The following SLC28A1 variants were observed in gnomAD, a reference collection of about 807,000 sequenced individuals.
SLC28A1 encodes the protein sodium/nucleoside cotransporter 1.
A neutral mutation model predicts 74.8 loss-of-function variants in SLC28A1; 64 were observed. The ratio of observed to expected loss-of-function variants is 0.86; its 90% CI spans 0.70 to 1.05. SLC28A1 has a LOEUF of 1.05. Among genes scored for constraint, SLC28A1 ranks in the 50% least tolerant of loss-of-function variants. The pLI is 0.00. For synonymous variants in SLC28A1, 359 were observed against 335.0 expected, an observed-to-expected ratio of 1.07 and a Z score of -0.78; for missense variants, 828 against 822.8, an observed-to-expected ratio of 1.01 and a Z score of -0.08.
At position 84,944,844 on chromosome 15, in the gene SLC28A1, G is replaced by A; in HGVS notation, c.1851G>A (p.Gln617=). 6.2e-7 allele frequency: 1 copy of A among 1,613,606 alleles called. No homozygotes were observed. Among genetic ancestry groups the A allele is most frequent in the Non-Finnish European group, 8.5e-7 (1 of 1,179,566 alleles). The change falls in exon 18 of 19, where the codon CAG becomes CAA. Residue 617 remains glutamine, a synonymous_variant. Coordinates refer to ENST00000394573, the MANE Select transcript of SLC28A1 (RefSeq NM_004213.5). The part of the protein sequence containing the change: ...TLSSSSFEIY[Q]CCREAFQSVN... The stretch of plus-strand genomic sequence containing the variant: ...GCAGCAGTAGCTTTGAGATTTACCA[G>A]TGCTGCCGTGAGGCCTTCCAGAGGT...
At chr15:84,944,936 G>C in intron 18 of SLC28A1, 69 bp downstream of exon 18, 2 of 1,217,598 alleles carry the variant, frequency 1.6e-6, no homozygotes, top group Non-Finnish European at 2.4e-6. Flanking sequence ...GCGCTGGGGG[G>C]GATGCCTTTG....
chr15:84,906,576 TCC>T (rs1196272967), intron 8 of SLC28A1, among the ~76,000 whole-genome samples: 22 of 20,788 alleles, frequency 1.1e-3, no homozygotes, highest in African/African-American at 2.4e-3. Context: ...CTTTCTTTCT[TCC>T]TTCCTTCCTT....
chr15:84,940,229 G>T (rs1275241421), intron 15 of SLC28A1, among the ~76,000 whole-genome samples: 1 of 152,148 alleles, frequency 6.6e-6, no homozygotes, highest in African/African-American at 2.4e-5. Context: ...ACTAATGTGT[G>T]CTGTGTGCCA....
chr15:84,962,352 G>C, the SLC28A1 span, among the ~76,000 whole-genome samples: 1 of 152,034 alleles, frequency 6.6e-6, no homozygotes, highest in Non-Finnish European at 1.5e-5. Context: ...AGGATTATAG[G>C]TGTGAGCCAC....
intron 1 of SLC28A1, chr15:84,886,225 G>GCTACA: frequency 1.0e-6 from 1 of 985,374 alleles, no homozygotes; most frequent in South Asian, 4.7e-5. Context: ...ATTTCTCACA[G>GCTACA]CTACACTGCT....
intron 1 of SLC28A1, 44 bp from the exon 2 acceptor site, chr15:84,886,628 C>T: frequency 1.0e-6 from 1 of 985,502 alleles, no homozygotes; most frequent in Non-Finnish European, 1.2e-6. Flanking sequence ...CTGGGCAGAA[C>T]TGGGTGGCAG....
At chr15:84,974,058 G>A in the SLC28A1 span, among the ~76,000 whole-genome samples, 3 of 152,276 alleles carry the variant, frequency 2.0e-5, no homozygotes, top group African/African-American at 7.2e-5. Context: ...GCCAGCAGAG[G>A]GGACTTGAAT....
At chr15:84,924,229 C>A in intron 12 of SLC28A1, 119 bp downstream of exon 12, 1 of 1,253,010 alleles carries the variant, frequency 8.0e-7, no homozygotes, top group Non-Finnish European at 1.2e-6. Context: ...GCCTGCTGTG[C>A]TGGCAAGAGG....
chr15:84,956,086 C>T, the SLC28A1 span, among the ~76,000 whole-genome samples: 2 of 152,206 alleles, frequency 1.3e-5, no homozygotes, highest in Non-Finnish European at 2.9e-5. Flanking sequence ...GACTTCTCCC[C>T]TTCAAACTCT....
the SLC28A1 span, among the ~76,000 whole-genome samples, chr15:84,964,535 T>C: frequency 6.6e-6 from 1 of 152,248 alleles, no homozygotes; most frequent in Admixed American, 6.5e-5. Flanking sequence ...ATGGTTTACA[T>C]GATGTGAGAT....
the SLC28A1 span, among the ~76,000 whole-genome samples, chr15:84,965,234 C>G: frequency 6.6e-6 from 1 of 152,164 alleles, no homozygotes; most frequent in East Asian, 1.9e-4. Context: ...CTCCTTCCTC[C>G]CACCATGTAC....
intron 2 of SLC28A1, 98 bp from the exon 3 acceptor site, chr15:84,887,647 C>T: frequency 6.4e-7 from 1 of 1,554,432 alleles, no homozygotes; most frequent in Non-Finnish European, 8.7e-7. Context: ...CAGGCATCTG[C>T]TCCCCCCACT....
chr15:84,915,481 C>T (rs907784697), intron 9 of SLC28A1, among the ~76,000 whole-genome samples: 1 of 152,222 alleles, frequency 6.6e-6, no homozygotes, highest in Non-Finnish European at 1.5e-5. Context: ...GGGCCCTCAC[C>T]AGTCTCCGGC....
intron 7 of SLC28A1, among the ~76,000 whole-genome samples, chr15:84,904,449 AG>A (rs1275445067): frequency 6.6e-6 from 1 of 152,120 alleles, no homozygotes; most frequent in African/African-American, 2.4e-5. Context: ...CCAGACTCAG[AG>A]GCCACCAGGA....
chr15:84,895,393 G>A (rs777386142), intron 6 of SLC28A1: 6 of 1,613,936 alleles, frequency 3.7e-6, no homozygotes, highest in Non-Finnish European at 5.1e-6. Flanking sequence ...CCAGGCCATG[G>A]AGCAAGGAGG....
At chr15:84,893,140 C>T (rs1045463428) in intron 5 of SLC28A1, among the ~76,000 whole-genome samples, 1 of 152,128 alleles carries the variant, frequency 6.6e-6, no homozygotes, top group Non-Finnish European at 1.5e-5. Context: ...TTCTTGGCCT[C>T]CTAGCCCCAT....
At chr15:84,917,505 C>T (rs56284711) in intron 9 of SLC28A1, among the ~76,000 whole-genome samples, 30,185 of 151,488 alleles carry the variant, frequency 0.2, 3,234 homozygotes, top group South Asian at 0.37. Context: ...AACTCCTGGG[C>T]TCAAGCAATC....
chr15:84,910,517 T>C lies in SLC28A1; in HGVS notation c.795+1722T>C, dbSNP rs546748600. Reference sequence around the variant, plus strand: ...GCTGAGGCAGGCGGATCACTTGAGGTTGGGAGTTTGAGACCAGCCTGACCA... The same window carrying C: ...GCTGAGGCAGGCGGATCACTTGAGGCTGGGAGTTTGAGACCAGCCTGACCA... On this transcript the variant is annotated intron_variant, in intron 9 of 18. Transcript: ENST00000394573. 2.4e-4 allele frequency among the ~76,000 whole-genome samples: 36 copies of C among 152,126 alleles called. 2 individuals carry two copies. The South Asian group carries it at 6.2e-3, about 26-fold the overall frequency.
At chr15:84,911,083 G>A (rs777939989) in intron 9 of SLC28A1, among the ~76,000 whole-genome samples, 13 of 152,244 alleles carry the variant, frequency 8.5e-5, no homozygotes, top group Non-Finnish European at 1.9e-4. Context: ...AAAAGCAGGG[G>A]AAGAGGTGCC....
Sources: gnomAD v4.1 joint callset for allele counts (sites outside exome capture counted in the v4.1 genomes callset) on GRCh38, gnomAD v4.1.1 for gene constraint, MANE v1.5 for transcripts, NCBI Gene and HGNC (gene_info 2026-07-23, HGNC 2026-07-21) for gene names.